Variants in TARBP1 observed in about 807,000 individuals in gnomAD.
The protein encoded by TARBP1 is tRNA (guanosine(18)-2'-O)-methyltransferase TARBP1.
A neutral mutation model predicts 178.6 loss-of-function variants in TARBP1; 144 were observed. The ratio of observed to expected loss-of-function variants is 0.81; its 90% CI spans 0.70 to 0.93. TARBP1 has a LOEUF of 0.93. Ranked by LOEUF, TARBP1 falls within the 40% of genes least tolerant of loss-of-function variation. The pLI, the probability that TARBP1 is intolerant of heterozygous loss-of-function variation, is 0.00. For missense variants in TARBP1, 2,067 were observed against 2,011.7 expected, an observed-to-expected ratio of 1.03 and a Z score of -0.53; for synonymous variants, 787 against 781.0, an observed-to-expected ratio of 1.01 and a Z score of -0.13.
At chr1:234,475,127 C>G (rs908116825) in intron 1 of TARBP1, among the ~76,000 whole-genome samples, 1 of 152,202 alleles carries the variant, frequency 6.6e-6, no homozygotes, top group Non-Finnish European at 1.5e-5. Flanking sequence ...AAGCCTGCCC[C>G]GGTGCTCTCG....
intron 12 of TARBP1, among the ~76,000 whole-genome samples, chr1:234,444,584 C>T (rs887231619): frequency 3.9e-5 from 6 of 152,076 alleles, no homozygotes; most frequent in African/African-American, 1.4e-4. Context: ...AGCAATCCTA[C>T]AGCACTGCCT....
At position 234,446,984 on chromosome 1, in the gene TARBP1, T is replaced by G. The variant is rs376450250; in HGVS notation, c.1962-9A>C. On this transcript the variant is annotated splice_polypyrimidine_tract_variant and intron_variant, in intron 11 of 29. Transcript: ENST00000040877. Reference sequence around the variant, plus strand: ...CTGTTCTCTGCTTTCCGCTAGACATTAAAAGACATGCCAAAATCAACCATT... The same window carrying G: ...CTGTTCTCTGCTTTCCGCTAGACATGAAAAGACATGCCAAAATCAACCATT... 6.2e-7 allele frequency: 1 copy of G among 1,610,922 alleles called. No individual in the cohort carries two copies. The highest frequency in any genetic ancestry group is 1.3e-5 in the African/African-American group (1 of 74,766).
At chr1:234,475,364 T>C (rs1251864156) in intron 1 of TARBP1, among the ~76,000 whole-genome samples, 2 of 152,350 alleles carry the variant, frequency 1.3e-5, no homozygotes, top group Non-Finnish European at 2.9e-5. Context: ...TGCCTGCCTC[T>C]AGGGCAGGGA....
In TARBP1 at chr1:234,425,783, C is replaced by T. The variant is rs774288382; in HGVS notation, c.3334G>A (p.Glu1112Lys). The T allele has an allele frequency of 4.4e-6, 7 of 1,581,688 alleles. No individual in the cohort carries two copies. Among genetic ancestry groups the T allele is most frequent in the Admixed American group, 3.5e-5 (2 of 57,960 alleles). The change falls in exon 20 of 30, where the codon GAA (glutamate) becomes AAA (lysine). Residue 1112 changes from glutamate (E) to lysine (K), a missense_variant. Glu to Lys is a moderately conservative substitution (Grantham distance 56, BLOSUM62 1). Transcript: ENST00000040877. ...ANIVMENTKR[E>K]DHYVRICAVK... is the part of the protein sequence containing the mutation. The stretch of plus-strand genomic sequence containing the variant: ...GCACAAATTCTCACATAATGGTCTT[C>T]TCTCTTAGTACTAAAAAAATTAAAT...
intron 21 of TARBP1, among the ~76,000 whole-genome samples, chr1:234,418,773 T>G (rs1005290154): frequency 6.6e-6 from 1 of 152,222 alleles, no homozygotes; most frequent in Non-Finnish European, 1.5e-5. Context: ...CAAAATCATC[T>G]TTCCCTCTTC....
Position 234,418,109 on chromosome 1 carries a change from G to C in TARBP1, c.3680C>G (p.Pro1227Arg). The C allele has an allele frequency of 7.0e-7, 1 of 1,427,080 alleles. No individual in the cohort carries two copies. 88.4% of individuals were successfully genotyped at this position (1,427,080 alleles called of 1,614,324 possible). A position where few individuals can be genotyped will look rare whatever the true frequency, so the allele number is the denominator to read the frequency against. The change falls in exon 22 of 30, where the codon CCA (proline) becomes CGA (arginine). Residue 1227 changes from proline to arginine, a missense_variant. By Grantham distance (103) the Pro-to-Arg change is moderately radical. Transcript: ENST00000040877. ...ATAAGAAAAACAATCCCAGAACTTT[G>C]GAAGAAATTGAGGGAATTTATGAAG... ...LILHKFPQFL[P>R]KFWDCFSYGE...
In TARBP1 at chr1:234,415,102, G is replaced by A. The variant is rs549292153; in HGVS notation, c.3705+2982C>T. 2.4e-4 allele frequency among the ~76,000 whole-genome samples: 37 copies of A among 152,304 alleles called. No individual in the cohort carries two copies. The South Asian group carries it at 5.4e-3, about 22-fold the overall frequency. The stretch of plus-strand genomic sequence containing the variant: ...GCCAGGGTGATTATAGGAGAGGGAC[G>A]AGAAAACATCCAGTGTAAATATCCA... On this transcript the variant is annotated intron_variant, in intron 22 of 29. Coordinates refer to ENST00000040877, the MANE Select transcript of TARBP1 (RefSeq NM_005646.4).
chr1:234,429,800 A>G, intron 15 of TARBP1, 123 bp from the exon 16 acceptor site: 4 of 1,136,634 alleles, frequency 3.5e-6, no homozygotes, highest in Non-Finnish European at 4.9e-6. Flanking sequence ...ATAAATGGTC[A>G]TTATCAAACA....
intron 26 of TARBP1, among the ~76,000 whole-genome samples, chr1:234,397,820 AGGGGGAGGGGAGGAGGG>A (rs1280284111): frequency 3.1e-4 from 1 of 3,248 alleles, no homozygotes; most frequent in African/African-American, 1.3e-3. Flanking sequence ...AGGGGGAGGG[AGGGGGAGGGGAGGAGGG>A]AGGGGAGGGG....
chr1:234,405,050 C>G (rs552669844), intron 24 of TARBP1, among the ~76,000 whole-genome samples: 8 of 152,276 alleles, frequency 5.3e-5, no homozygotes, highest in South Asian at 2.1e-4. Context: ...ATGGTCACGA[C>G]CAAGACTTCT....
At chr1:234,415,392 C>A (rs936017335) in intron 22 of TARBP1, among the ~76,000 whole-genome samples, 1 of 152,130 alleles carries the variant, frequency 6.6e-6, no homozygotes, top group Non-Finnish European at 1.5e-5. Context: ...TAGGTGGCAA[C>A]TGTTATTTTC....
chr1:234,413,644 A>G (rs778868441), intron 22 of TARBP1, among the ~76,000 whole-genome samples: 7 of 152,198 alleles, frequency 4.6e-5, no homozygotes, highest in Non-Finnish European at 8.8e-5. Flanking sequence ...TCCGAGGAGC[A>G]TAGTCTTCAT....
intron 12 of TARBP1, among the ~76,000 whole-genome samples, chr1:234,440,638 C>T (rs377044763): frequency 1.1e-4 from 16 of 151,972 alleles, no homozygotes; most frequent in African/African-American, 3.9e-4. Flanking sequence ...AAAGAAAATC[C>T]CAAGGAACCT....
In TARBP1 at chr1:234,465,327, T is replaced by A. The variant is rs941085030; in HGVS notation, c.1301+329A>T. On this transcript the variant is annotated intron_variant, in intron 5 of 29. Transcript: ENST00000040877. Reference sequence around the variant, plus strand: ...AAGAAAAAGGAAAATAAGTTTAAAGTGTTGGTTAGTCAAAATCATTACAAC... The same window carrying A: ...AAGAAAAAGGAAAATAAGTTTAAAGAGTTGGTTAGTCAAAATCATTACAAC... 2.6e-5 allele frequency among the ~76,000 whole-genome samples: 4 copies of A among 152,266 alleles called. No individual in the cohort carries two copies. The South Asian group carries it at 8.3e-4, about 32-fold the overall frequency.
intron 13 of TARBP1, among the ~76,000 whole-genome samples, chr1:234,436,117 T>TA (rs1283967737): frequency 6.6e-6 from 1 of 151,760 alleles, no homozygotes; most frequent in Non-Finnish European, 1.5e-5. Context: ...ATCTAAAAGA[T>TA]AAAGTAACAT....
At chr1:234,476,656 C>T (rs1669596445) in intron 1 of TARBP1, among the ~76,000 whole-genome samples, 1 of 152,128 alleles carries the variant, frequency 6.6e-6, no homozygotes, top group Non-Finnish European at 1.5e-5. Context: ...GATCAGTTTC[C>T]TACATAGATC....
intron 20 of TARBP1, among the ~76,000 whole-genome samples, chr1:234,424,166 T>C (rs1663440546): frequency 6.6e-6 from 1 of 152,232 alleles, no homozygotes; most frequent in Non-Finnish European, 1.5e-5. Flanking sequence ...GGGACTTCCA[T>C]GAGTTCTGTA....
chr1:234,435,242 G>A (rs1664885033), intron 13 of TARBP1, among the ~76,000 whole-genome samples: 1 of 152,122 alleles, frequency 6.6e-6, no homozygotes, highest in Non-Finnish European at 1.5e-5. Context: ...CTGAGGTCAG[G>A]GGTTCAAAAC....
rs112373155 is a variant in TARBP1, at chr1:234,463,836, C to T, written c.1399+1G>A. 1.3e-6 allele frequency: 2 copies of T among 1,538,614 alleles called. No homozygotes were observed. Among genetic ancestry groups the T allele is most frequent in the African/African-American group, 1.4e-5 (1 of 71,592 alleles). ...TAAAAAAACCCTTTACTGACACATA[C>T]TCTTTATTTCTTCTGGAAGAAGAGA... On this transcript the variant is annotated splice_donor_variant, in intron 6 of 29. Coordinates refer to ENST00000040877, the MANE Select transcript of TARBP1 (RefSeq NM_005646.4). LOFTEE classifies it high-confidence loss of function.
Sources: gnomAD v4.1 joint callset for allele counts (sites outside exome capture counted in the v4.1 genomes callset) on GRCh38, gnomAD v4.1.1 for gene constraint, MANE v1.5 for transcripts, NCBI Gene and HGNC (gene_info 2026-07-23, HGNC 2026-07-21) for gene names.